EIF4G3: variants seen among roughly 807,000 people sequenced by gnomAD.
EIF4G3 encodes the protein eukaryotic translation initiation factor 4 gamma 3.
EIF4G3 carries 34 observed loss-of-function variants against 186.4 expected under a neutral mutation model. That is an observed-to-expected ratio of 0.18 (90% confidence interval 0.14 to 0.24). EIF4G3 has a LOEUF of 0.24. EIF4G3 is among the 10% of genes least tolerant of loss of function. The pLI is 1.00. For synonymous variants in EIF4G3, 673 were observed against 679.5 expected, an observed-to-expected ratio of 0.99 and a Z score of 0.15; for missense variants, 1,536 against 1,948.5, an observed-to-expected ratio of 0.79 and a Z score of 3.99.
intron 2 of EIF4G3, among the ~76,000 whole-genome samples, chr1:21,092,641 A>G (rs1226840132): frequency 6.6e-6 from 1 of 152,204 alleles, no homozygotes; most frequent in Non-Finnish European, 1.5e-5. Flanking sequence ...CGCACTGCCA[A>G]TACAATCCTA....
At chr1:20,821,740 C>T (rs2062427451) in intron 33 of EIF4G3, among the ~76,000 whole-genome samples, 1 of 148,672 alleles carries the variant, frequency 6.7e-6, no homozygotes, top group African/African-American at 2.6e-5. Context: ...GTATACTTCA[C>T]CATCTTCCCT....
At chr1:20,860,252 G>T in intron 24 of EIF4G3, 133 bp downstream of exon 24, 2 of 1,230,120 alleles carry the variant, frequency 1.6e-6, no homozygotes, top group Non-Finnish European at 1.1e-6. Flanking sequence ...AGGTGAAACT[G>T]CTTCACCTAA....
At chr1:20,916,163 C>A (rs767530347) in intron 14 of EIF4G3, among the ~76,000 whole-genome samples, 1 of 152,074 alleles carries the variant, frequency 6.6e-6, no homozygotes, top group Non-Finnish European at 1.5e-5. Context: ...AAACTCCAAA[C>A]CATTATTTAG....
chr1:20,955,409 A>G (rs946723618), intron 12 of EIF4G3, among the ~76,000 whole-genome samples: 1 of 151,702 alleles, frequency 6.6e-6, no homozygotes, highest in Non-Finnish European at 1.5e-5. Flanking sequence ...TTTTTCTTCT[A>G]TCTTTTGTAG....
intron 4 of EIF4G3, among the ~76,000 whole-genome samples, chr1:21,031,192 A>C (rs898472849): frequency 7.2e-5 from 11 of 151,906 alleles, no homozygotes; most frequent in African/African-American, 1.9e-4. Flanking sequence ...TCAAAAAAAA[A>C]ACACAACAAC....
At chr1:20,843,189 C>A (rs1317961244) in intron 29 of EIF4G3, among the ~76,000 whole-genome samples, 2 of 151,524 alleles carry the variant, frequency 1.3e-5, no homozygotes, top group Non-Finnish European at 2.9e-5. Context: ...CATTGTTATG[C>A]CTTTTCAAGA....
Position 20,817,382 on chromosome 1 carries a change from G to GTC in EIF4G3, c.4515+8_4515+9dup. ...TAGAGGTATCAGGGAAGGTGACATA[G>GTC]TCTTTATACCTCTACCCAGTCAAAG... On this transcript the variant is annotated intron_variant, in intron 34 of 36. Transcript: ENST00000602326. 1 of 1,526,278 alleles carries GTC rather than the reference G, an allele frequency of 6.6e-7. No homozygotes were observed. The highest frequency in any genetic ancestry group is 1.8e-4 in the Middle Eastern group (1 of 5,704). The allele number at this position is 1,526,278 out of a possible 1,614,324, so 94.5% of individuals were successfully genotyped here. A position where few individuals can be genotyped will look rare whatever the true frequency, so the allele number is the denominator to read the frequency against.
intron 11 of EIF4G3, among the ~76,000 whole-genome samples, chr1:20,971,169 G>A (rs1176142347): frequency 6.6e-6 from 1 of 152,174 alleles, no homozygotes; most frequent in Non-Finnish European, 1.5e-5. Context: ...TTCTGGGAGA[G>A]TGCTAAGATA....
Position 20,980,403 on chromosome 1 carries a change from G to T in EIF4G3, c.424C>A (p.Pro142Thr). 6.5e-7 allele frequency: 1 copy of T among 1,544,564 alleles called. No homozygotes were observed. The highest frequency in any genetic ancestry group is 8.6e-7 in the Non-Finnish European group (1 of 1,156,946). The change falls in exon 10 of 37, where the codon CCA becomes ACA. Residue 142 changes from proline (P) to threonine (T), a missense_variant. Transcript: ENST00000602326. Reference sequence around the variant, plus strand: ...GGACCTGGCCCCGGTGGTTGAACTGGATATTGTTGGGGGGGCCCAACATAA... The same window carrying T: ...GGACCTGGCCCCGGTGGTTGAACTGTATATTGTTGGGGGGGCCCAACATAA... Reference protein sequence around the residue: ...PPYVGPPQQYPVQPPGPGPFY... With the variant: ...PPYVGPPQQYTVQPPGPGPFY...
intron 2 of EIF4G3, among the ~76,000 whole-genome samples, chr1:21,117,368 T>C (rs2102295032): frequency 6.6e-6 from 1 of 152,230 alleles, no homozygotes; most frequent in East Asian, 1.9e-4. Context: ...AATGTTTATT[T>C]TGACTGTACT....
intron 29 of EIF4G3, among the ~76,000 whole-genome samples, chr1:20,844,835 A>C (rs1056454897): frequency 6.6e-6 from 1 of 152,132 alleles, no homozygotes; most frequent in Non-Finnish European, 1.5e-5. Flanking sequence ...TCCATCTCAA[A>C]AAACAAACAA....
chr1:20,997,631 A>G lies in EIF4G3; in HGVS notation c.147T>C (p.Phe49=), dbSNP rs1331999804. Residue 49 remains phenylalanine, a splice_region_variant and synonymous_variant, in exon 7 of 37, where the codon TTT becomes TTC. Transcript: ENST00000602326. ...GATGGGGAGGTCGAGGCCCCGCTGC[A>G]AACTGAGAAAAGGAGGGAAAACAAA... is the stretch of plus-strand genomic sequence containing the variant. ...AGRGWIKYCI[F]AAGPRPPHHQ... The G allele has an allele frequency of 6.5e-7, 1 of 1,543,270 alleles. No homozygotes were observed. The highest frequency in any genetic ancestry group is 2.0e-5 in the Admixed American group (1 of 49,636).
At chr1:20,869,608 T>C (rs547216913) in intron 20 of EIF4G3, among the ~76,000 whole-genome samples, 1 of 151,810 alleles carries the variant, frequency 6.6e-6, no homozygotes, top group African/African-American at 2.4e-5. Context: ...ACCCAGTCTC[T>C]ACTAAAAATA....
chr1:21,123,179 CTG>C (rs1205433083), intron 2 of EIF4G3, among the ~76,000 whole-genome samples: 2 of 152,110 alleles, frequency 1.3e-5, no homozygotes, highest in African/African-American at 4.8e-5. Context: ...CACAATGACT[CTG>C]AGACAGTGGT....
chr1:21,068,396 A>AAAAAAAAC lies in EIF4G3; in HGVS notation c.-195-17403_-195-17402insGTTTTTTT, dbSNP rs1200202846. 3.8e-3 allele frequency among the ~76,000 whole-genome samples: 569 copies of AAAAAAAAC among 148,688 alleles called. 4 individuals are homozygous for AAAAAAAAC. The highest frequency in any genetic ancestry group is 6.6e-3 in the Non-Finnish European group (445 of 66,974). ...TCTTTAAAAAAAAAAAAAAAAAAAA[A>AAAAAAAAC]AAAACAGAATACTTCACATGAACTT... On this transcript the variant is annotated intron_variant, in intron 3 of 36. Transcript: ENST00000602326.
chr1:21,053,911 C>T (rs2094435234), intron 3 of EIF4G3, among the ~76,000 whole-genome samples: 1 of 151,732 alleles, frequency 6.6e-6, no homozygotes, highest in African/African-American at 2.4e-5. Flanking sequence ...TCTGCCCGGC[C>T]GCCCCTACTG....
chr1:21,176,137 C>T, intron 2 of EIF4G3, 38 bp downstream of exon 2: 1 of 356,608 alleles, frequency 2.8e-6, no homozygotes, highest in Admixed American at 4.8e-5. Flanking sequence ...ACTGCGACGA[C>T]GAGAACCGAA....
intron 18 of EIF4G3, among the ~76,000 whole-genome samples, chr1:20,887,088 A>G (rs532530702): frequency 2.6e-5 from 4 of 152,296 alleles, no homozygotes; most frequent in African/African-American, 9.6e-5. Context: ...ATGCTTGGAA[A>G]TAATTTTTCA....
At chr1:20,961,354 G>A (rs1475714765) in intron 12 of EIF4G3, among the ~76,000 whole-genome samples, 1 of 152,156 alleles carries the variant, frequency 6.6e-6, no homozygotes, top group Non-Finnish European at 1.5e-5. Context: ...CTGCACTCCA[G>A]CCTGGTGACA....
Sources: allele counts gnomAD v4.1 joint callset (sites outside exome capture counted in the v4.1 genomes callset), GRCh38; gene constraint gnomAD v4.1.1; transcripts MANE v1.5; gene names NCBI Gene and HGNC (gene_info 2026-07-23, HGNC 2026-07-21).